DYNLL1: variants seen among roughly 807,000 people sequenced by gnomAD.
DYNLL1 encodes dynein light chain LC8-type 1.
Under a neutral mutation model 10.1 loss-of-function variants are expected in DYNLL1, and 3 were observed. That is an observed-to-expected ratio of 0.30 (90% CI 0.14 to 0.77). The LOEUF is 0.77. DYNLL1 is among the 30% of genes least tolerant of loss of function. The pLI is 0.66. For missense variants in DYNLL1, 47 were observed against 111.7 expected (o/e 0.42, Z 2.61); for synonymous variants, 46 against 41.2 (o/e 1.12, Z -0.45).
chr12:120,477,341 C>T (rs537984131), intron 1 of DYNLL1, among the ~76,000 whole-genome samples: 4 of 152,202 alleles, frequency 2.6e-5, no homozygotes, highest in African/African-American at 4.8e-5. Context: ...GTCTGCTCAA[C>T]ATTTGTTCAT....
chr12:120,473,581 G>A (rs149747192), intron 1 of DYNLL1, among the ~76,000 whole-genome samples: 4,458 of 150,540 alleles, frequency 0.03, 233 homozygotes, highest in African/African-American at 0.1. Context: ...TGTAATCCCA[G>A]CTACTTTGGA....
At chr12:120,484,422 A>G (rs1878948483) in intron 1 of DYNLL1, among the ~76,000 whole-genome samples, 1 of 152,186 alleles carries the variant, frequency 6.6e-6, no homozygotes, top group Non-Finnish European at 1.5e-5. Context: ...ATATATCGTG[A>G]CAGGGAACTC....
At chr12:120,496,740 AGTT>A in intron 2 of DYNLL1, 187 bp downstream of exon 2, 1 of 710,228 alleles carries the variant, frequency 1.4e-6, no homozygotes, top group Non-Finnish European at 2.1e-6. Flanking sequence ...CGGCGTCCGA[AGTT>A]TTTTTTTTTT....
chr12:120,479,449 C>CAAAAAAA (rs71076617), intron 1 of DYNLL1, among the ~76,000 whole-genome samples: 20 of 76,066 alleles, frequency 2.6e-4, no homozygotes, highest in African/African-American at 4.0e-4. Context: ...ACTCCGTCTC[C>CAAAAAAA]AAAAAAAAAA....
chr12:120,490,055 C>T (rs1481450224), intron 1 of DYNLL1, among the ~76,000 whole-genome samples: 1 of 152,202 alleles, frequency 6.6e-6, no homozygotes, highest in Non-Finnish European at 1.5e-5. Flanking sequence ...GCCTATTCTA[C>T]TTTATTTTTA....
chr12:120,485,940 T>G (rs1305272678), intron 1 of DYNLL1, among the ~76,000 whole-genome samples: 2 of 151,946 alleles, frequency 1.3e-5, no homozygotes, highest in African/African-American at 2.4e-5. Context: ...AGACAAAATA[T>G]TGACAATGGT....
At chr12:120,488,969 T>G (rs1879059271) in intron 1 of DYNLL1, among the ~76,000 whole-genome samples, 1 of 152,096 alleles carries the variant, frequency 6.6e-6, no homozygotes, top group South Asian at 2.1e-4. Context: ...GGGTAGGAAC[T>G]CAAGGCTCAT....
intron 1 of DYNLL1, among the ~76,000 whole-genome samples, chr12:120,482,396 C>T (rs1259421424): frequency 4.6e-5 from 7 of 151,804 alleles, no homozygotes; most frequent in Admixed American, 3.3e-4. Flanking sequence ...CATCTCGGCT[C>T]GCTGCAAGCT....
At chr12:120,478,114 G>GTT (rs1011773821) in intron 1 of DYNLL1, among the ~76,000 whole-genome samples, 162 of 136,724 alleles carry the variant, frequency 1.2e-3, no homozygotes, top group African/African-American at 4.2e-3. Flanking sequence ...TTTTGTTGTT[G>GTT]TTTTTTTTTT....
In DYNLL1 at chr12:120,498,369, T is replaced by C; in HGVS notation, c.*159T>C. ...GTACAGGGCATTCTCTGTACTAGTT[T>C]GTCGTGGTTATAAAACAATTAGCAG... On this transcript the variant is annotated 3_prime_UTR_variant, in exon 3 of 3. Coordinates refer to ENST00000242577, the MANE Select transcript of DYNLL1 (RefSeq NM_003746.3). 1.3e-6 allele frequency: 1 copy of C among 799,286 alleles called. No homozygotes were observed. The highest frequency in any genetic ancestry group is 3.6e-5 in the Admixed American group (1 of 27,696). 49.5% of individuals were successfully genotyped at this position (799,286 alleles called of 1,614,324 possible). A position where few individuals can be genotyped will look rare whatever the true frequency, so the allele number is the denominator to read the frequency against.
intron 1 of DYNLL1, among the ~76,000 whole-genome samples, chr12:120,486,547 C>A (rs374495652): frequency 6.6e-6 from 1 of 152,010 alleles, no homozygotes; most frequent in Non-Finnish European, 1.5e-5. Context: ...TAGCTCACTG[C>A]AGCCTTGAAC....
intron 1 of DYNLL1, among the ~76,000 whole-genome samples, chr12:120,479,743 C>T (rs1288969496): frequency 2.0e-5 from 3 of 152,068 alleles, no homozygotes; most frequent in African/African-American, 4.8e-5. Flanking sequence ...TTGGGGCTTT[C>T]GGGAAGCTAA....
intron 1 of DYNLL1, among the ~76,000 whole-genome samples, chr12:120,482,851 G>A (rs1305588279): frequency 6.6e-6 from 1 of 152,086 alleles, no homozygotes; most frequent in African/African-American, 2.4e-5. Flanking sequence ...GGCTGAGGCA[G>A]GAGGATTGCT....
At chr12:120,491,326 A>G (rs1565924019), upstream of DYNLL1, 3 of 152,648 alleles carry the variant, frequency 2.0e-5, no homozygotes, top group Non-Finnish European at 4.4e-5. Flanking sequence ...CTTGGCTCCA[A>G]AGCTCAGCTC....
chr12:120,481,042 A>G (rs1007593675), intron 1 of DYNLL1, among the ~76,000 whole-genome samples: 1 of 152,110 alleles, frequency 6.6e-6, no homozygotes, highest in African/African-American at 2.4e-5. Flanking sequence ...TACAGGCGTG[A>G]GCCACCATGC....
rs1158070775 is a variant in DYNLL1 at position 120,496,397 on chromosome 12, C to T, written c.-6-19C>T. The T allele has an allele frequency of 5.6e-6, 9 of 1,613,796 alleles. No homozygotes were observed. Among genetic ancestry groups the T allele is most frequent in the South Asian group, 2.2e-5 (2 of 91,086 alleles). ...GGCGCGGCCCAACTCAACCCCTTACCCCAGGCCTTGCCCACTAGGTAACCA... is the reference window on the plus strand; with the variant it reads ...GGCGCGGCCCAACTCAACCCCTTACTCCAGGCCTTGCCCACTAGGTAACCA... On this transcript the variant is annotated intron_variant, in intron 1 of 2. Transcript: ENST00000242577.
At position 120,486,459 on chromosome 12, in the gene DYNLL1, G is replaced by A. The variant is rs771256829; in HGVS notation, c.-6-9957G>A. Among the ~76,000 whole-genome samples the A allele has an allele frequency of 4.6e-5, 7 of 151,894 alleles. No homozygotes were observed. The East Asian group carries it at 1.4e-3, about 29-fold the overall frequency. On this transcript the variant is annotated intron_variant, in intron 1 of 2. Coordinates refer to the DYNLL1 transcript ENST00000392509. ...TGTCCCCTGAGAGAACCAGGGCTTT[G>A]CAAACAGATGTTTCTGTTTTTGTTT...
At chr12:120,473,162 A>G (rs1276104845) in intron 1 of DYNLL1, among the ~76,000 whole-genome samples, 1 of 152,182 alleles carries the variant, frequency 6.6e-6, no homozygotes, top group East Asian at 1.9e-4. Flanking sequence ...AGGGTCACCT[A>G]CCACAGTCTT....
At chr12:120,479,182 C>A (rs1305394401) in intron 1 of DYNLL1, among the ~76,000 whole-genome samples, 1 of 150,158 alleles carries the variant, frequency 6.7e-6, no homozygotes, top group Non-Finnish European at 1.5e-5. Flanking sequence ...TAGTAATAGG[C>A]CAGGCGCGGT....
Sources: gnomAD v4.1 joint callset for allele counts (sites outside exome capture counted in the v4.1 genomes callset) on GRCh38, gnomAD v4.1.1 for gene constraint, MANE v1.5 for transcripts, NCBI Gene and HGNC (gene_info 2026-07-23, HGNC 2026-07-21) for gene names.